The following KHDRBS2 variants were observed in gnomAD, a reference collection of about 807,000 sequenced individuals.
The protein encoded by KHDRBS2 is KH RNA binding domain containing, signal transduction associated 2.
Under a neutral mutation model 44.3 loss-of-function variants are expected in KHDRBS2, and 26 were observed. The ratio of observed to expected loss-of-function variants is 0.59; its 90% CI spans 0.43 to 0.81. KHDRBS2 has a LOEUF of 0.81. Among genes scored for constraint, KHDRBS2 ranks in the 40% least tolerant of loss-of-function variants. KHDRBS2 has a pLI of 0.00. For missense variants in KHDRBS2, 476 were observed against 433.1 expected (o/e 1.10, Z -0.88); for synonymous variants, 194 against 151.1 (o/e 1.28, Z -2.08).
chr6:61,749,009 C>CTTTTTTTTTTTTTTTTTTTTTTT (rs34423906), intron 6 of KHDRBS2, among the ~76,000 whole-genome samples: 20 of 97,230 alleles, frequency 2.1e-4, no homozygotes, highest in East Asian at 3.3e-4. Context: ...TTCTTTCTTT[C>CTTTTTTTTTTTTTTTTTTTTTTT]TTTTTTTTTT....
chr6:61,630,769 G>A, the KHDRBS2 span, among the ~76,000 whole-genome samples: 1 of 152,146 alleles, frequency 6.6e-6, no homozygotes, highest in Non-Finnish European at 1.5e-5. Flanking sequence ...GCAAGGGAGG[G>A]GAGCTTGGGC....
chr6:61,948,468 C>T (rs1384001773), intron 4 of KHDRBS2, among the ~76,000 whole-genome samples: 9 of 151,870 alleles, frequency 5.9e-5, no homozygotes, highest in Non-Finnish European at 1.0e-4. Context: ...CAATGATACC[C>T]TGATAATTTA....
At chr6:62,040,627 G>A (rs369705277) in intron 3 of KHDRBS2, among the ~76,000 whole-genome samples, 1 of 152,062 alleles carries the variant, frequency 6.6e-6, no homozygotes, top group Non-Finnish European at 1.5e-5. Flanking sequence ...TGACTCAAAG[G>A]CTGGACTAAA....
the KHDRBS2 span, among the ~76,000 whole-genome samples, chr6:61,551,194 A>G: frequency 1.3e-5 from 2 of 151,842 alleles, no homozygotes; most frequent in Admixed American, 6.6e-5. Flanking sequence ...TTGTCCTCTG[A>G]CCTTTTTTCA....
At chr6:61,896,330 C>T (rs962733768) in intron 5 of KHDRBS2, among the ~76,000 whole-genome samples, 1 of 152,164 alleles carries the variant, frequency 6.6e-6, no homozygotes, top group Non-Finnish European at 1.5e-5. Flanking sequence ...CGAGCCTTCG[C>T]TATACCCTTG....
intron 2 of KHDRBS2, among the ~76,000 whole-genome samples, chr6:62,161,931 T>C (rs1562977849): frequency 1.3e-5 from 2 of 152,058 alleles, no homozygotes; most frequent in South Asian, 2.1e-4. Context: ...CCTGTTTCCA[T>C]TGTTGATGTC....
chr6:62,197,632 A>G (rs1338702199), intron 1 of KHDRBS2, among the ~76,000 whole-genome samples: 1 of 152,092 alleles, frequency 6.6e-6, no homozygotes, highest in Non-Finnish European at 1.5e-5. Context: ...GACAAAGTCC[A>G]CTAACTTATA....
At chr6:61,877,851 A>C (rs1036979529) in intron 6 of KHDRBS2, among the ~76,000 whole-genome samples, 16 of 151,920 alleles carry the variant, frequency 1.1e-4, no homozygotes, top group African/African-American at 3.9e-4. Context: ...TCTTTTCTAA[A>C]TCTTTTTTAA....
intron 7 of KHDRBS2, among the ~76,000 whole-genome samples, chr6:61,731,543 C>T (rs1774449315): frequency 6.6e-6 from 1 of 152,074 alleles, no homozygotes; most frequent in Non-Finnish European, 1.5e-5. Context: ...AAAATCCAAA[C>T]TTCCACAATA....
intron 2 of KHDRBS2, among the ~76,000 whole-genome samples, chr6:62,151,159 T>C (rs1475205216): frequency 1.3e-5 from 2 of 152,196 alleles, no homozygotes; most frequent in Non-Finnish European, 2.9e-5. Context: ...TATTGATGAA[T>C]TGCCGAGATA....
chr6:62,177,172 T>C lies in KHDRBS2; in HGVS notation c.219+13A>G, dbSNP rs374575013. 7 of 1,488,946 alleles carry C rather than the reference T, an allele frequency of 4.7e-6. No homozygotes were observed. The highest frequency in any genetic ancestry group is 1.4e-5 in the African/African-American group (1 of 71,426). The allele number at this position is 1,488,946 out of a possible 1,614,324, so 92.2% of individuals were successfully genotyped here. ...AAATCAATTATATGAGAACAAAGTA[T>C]ATATGGTAGTACCTTTGGATACTGC... On this transcript the variant is annotated intron_variant, in intron 2 of 8. Coordinates refer to ENST00000281156, the MANE Select transcript of KHDRBS2 (RefSeq NM_152688.4).
At chr6:62,227,953 T>C (rs747512738) in intron 1 of KHDRBS2, among the ~76,000 whole-genome samples, 1 of 152,226 alleles carries the variant, frequency 6.6e-6, no homozygotes, top group South Asian at 2.1e-4. Flanking sequence ...TTTTCATTGA[T>C]GTTCATCATG....
chr6:62,166,120 T>C (rs1341456391), intron 2 of KHDRBS2, among the ~76,000 whole-genome samples: 1 of 152,054 alleles, frequency 6.6e-6, no homozygotes, highest in Non-Finnish European at 1.5e-5. Flanking sequence ...ATCTATGTCG[T>C]AGAATGTAAT....
At chr6:61,792,689 C>T (rs1784797581) in intron 6 of KHDRBS2, among the ~76,000 whole-genome samples, 1 of 151,732 alleles carries the variant, frequency 6.6e-6, no homozygotes, top group Non-Finnish European at 1.5e-5. Context: ...ACCAAAAAAA[C>T]TTTCAAGCCC....
chr6:62,126,673 T>G (rs1809047480), intron 2 of KHDRBS2, among the ~76,000 whole-genome samples: 1 of 152,192 alleles, frequency 6.6e-6, no homozygotes, highest in Non-Finnish European at 1.5e-5. Flanking sequence ...AGGGAAGGAC[T>G]GGTATATTTT....
At chr6:61,896,499 A>G (rs964425547) in intron 5 of KHDRBS2, among the ~76,000 whole-genome samples, 5 of 152,066 alleles carry the variant, frequency 3.3e-5, no homozygotes, top group African/African-American at 9.7e-5. Flanking sequence ...TCCTTCATCA[A>G]CTGACTACCA....
chr6:61,550,783 T>TC, the KHDRBS2 span, among the ~76,000 whole-genome samples: 2 of 149,062 alleles, frequency 1.3e-5, no homozygotes, highest in African/African-American at 5.0e-5. Flanking sequence ...TTTTTTTTTT[T>TC]CTGTTTTTGA....
the KHDRBS2 span, among the ~76,000 whole-genome samples, chr6:61,653,386 T>C: frequency 6.6e-6 from 1 of 152,074 alleles, no homozygotes; most frequent in Non-Finnish European, 1.5e-5. Flanking sequence ...TAGTAAATAT[T>C]CCTAGTTCTA....
the KHDRBS2 span, among the ~76,000 whole-genome samples, chr6:61,638,481 C>A: frequency 6.6e-6 from 1 of 152,138 alleles, no homozygotes; most frequent in African/African-American, 2.4e-5. Flanking sequence ...TGGATCCCTT[C>A]CTTACACCTT....
Sources: gnomAD v4.1 joint callset for allele counts (sites outside exome capture counted in the v4.1 genomes callset) on GRCh38, gnomAD v4.1.1 for gene constraint, MANE v1.5 for transcripts, NCBI Gene and HGNC (gene_info 2026-07-23, HGNC 2026-07-21) for gene names.